The following CENPP variants were observed in gnomAD, a reference collection of about 807,000 sequenced individuals.
CENPP encodes the protein centromere protein P.
A neutral mutation model predicts 35.6 loss-of-function variants in CENPP; 24 were observed. The observed-to-expected ratio is 0.67, with a 90% confidence interval of 0.49 to 0.95. The LOEUF (loss-of-function observed/expected upper bound fraction) is 0.95, where lower values mean the gene tolerates loss of function less well. CENPP is among the 40% of genes least tolerant of loss of function. The pLI, the probability that CENPP is intolerant of heterozygous loss-of-function variation, is 0.00. For synonymous variants in CENPP, 120 were observed against 125.5 expected (o/e 0.96, Z 0.29); for missense variants, 332 against 345.3 (o/e 0.96, Z 0.31).
chr9:92,474,747 CA>C lies in CENPP; in HGVS notation c.564+94889del, dbSNP rs749708861. The C allele has an allele frequency of 4.9e-5, 51 of 1,031,808 alleles. No homozygotes were observed. In the East Asian group the frequency reaches 6.8e-4, roughly 14 times the overall value. The allele number at this position is 1,031,808 out of a possible 1,614,324, so 63.9% of individuals were successfully genotyped here. ...GTTGGAAAAAGAGAGTTGTCCTCAT[CA>C]TCATCATCATCATCATCATCATCAT... is the stretch of plus-strand genomic sequence containing the variant. On this transcript the variant is annotated intron_variant, in intron 5 of 7. Coordinates refer to ENST00000375587, the MANE Select transcript of CENPP (RefSeq NM_001012267.3).
chr9:92,444,112 A>G (rs1486119256), intron 5 of CENPP, among the ~76,000 whole-genome samples: 1 of 152,226 alleles, frequency 6.6e-6, no homozygotes, highest in South Asian at 2.1e-4. Context: ...CAATAAATAA[A>G]TTATAAATTT....
intron 5 of CENPP, among the ~76,000 whole-genome samples, chr9:92,546,834 A>C (rs777274255): frequency 2.0e-5 from 3 of 152,186 alleles, no homozygotes; most frequent in Non-Finnish European, 4.4e-5. Flanking sequence ...GAATCAGAAA[A>C]TCTAAATTGT....
intron 5 of CENPP, among the ~76,000 whole-genome samples, chr9:92,421,481 G>C (rs1843792433): frequency 6.6e-6 from 1 of 152,240 alleles, no homozygotes; most frequent in Non-Finnish European, 1.5e-5. Flanking sequence ...GAAGGAGGTA[G>C]ATTTAAGGAG....
At position 92,552,188 on chromosome 9, in the gene CENPP, T is replaced by TAC. The variant is rs766310025; in HGVS notation, c.565-59125_565-59124insCA. Among the ~76,000 whole-genome samples, 36 of 100,084 alleles carry TAC rather than the reference T, an allele frequency of 3.6e-4. 2 individuals carry two copies. The highest frequency in any genetic ancestry group is 1.5e-3 in the African/African-American group (23 of 15,646). The allele number at this position is 100,084 out of a possible 152,430, so 65.7% of individuals were successfully genotyped here. ...TATATGTGATATGATAGATCTATCA[T>TAC]ATACACACACACACACACACACACA... On this transcript the variant is annotated intron_variant, in intron 5 of 7. Coordinates refer to ENST00000375587, the MANE Select transcript of CENPP (RefSeq NM_001012267.3).
At chr9:92,472,637 G>A (rs903968100) in intron 5 of CENPP, among the ~76,000 whole-genome samples, 1 of 152,076 alleles carries the variant, frequency 6.6e-6, no homozygotes, top group African/African-American at 2.4e-5. Context: ...CAGCCTGGGT[G>A]ACAGAGCAAG....
chr9:92,480,499 C>T (rs1299085052), intron 5 of CENPP, among the ~76,000 whole-genome samples: 1 of 152,204 alleles, frequency 6.6e-6, no homozygotes, highest in Non-Finnish European at 1.5e-5. Context: ...AGACTTTCCT[C>T]TGGAAAAGCC....
At chr9:92,587,487 A>G (rs999841379) in intron 5 of CENPP, among the ~76,000 whole-genome samples, 1 of 151,256 alleles carries the variant, frequency 6.6e-6, no homozygotes. Context: ...AAGGGGGGGG[A>G]CCAATCAAAT....
At chr9:92,569,123 G>A (rs1003447298) in intron 5 of CENPP, among the ~76,000 whole-genome samples, 2 of 152,150 alleles carry the variant, frequency 1.3e-5, no homozygotes, top group Admixed American at 6.6e-5. Flanking sequence ...TGTTGCCATT[G>A]CTTTTGGTGT....
chr9:92,526,729 T>C (rs1276437633), intron 5 of CENPP, among the ~76,000 whole-genome samples: 1 of 151,950 alleles, frequency 6.6e-6, no homozygotes, highest in African/African-American at 2.4e-5. Flanking sequence ...ATAAAAAGTA[T>C]ATAAAGTTAA....
chr9:92,449,670 G>A (rs1265956392), intron 5 of CENPP, among the ~76,000 whole-genome samples: 1 of 151,964 alleles, frequency 6.6e-6, no homozygotes, highest in African/African-American at 2.4e-5. Context: ...TGGATCATGG[G>A]GGCGGATTTT....
chr9:92,378,811 G>A lies in CENPP; in HGVS notation c.468-952G>A, dbSNP rs190721631. 2.2e-3 allele frequency among the ~76,000 whole-genome samples: 340 copies of A among 152,296 alleles called. 1 individual carries two copies. Among genetic ancestry groups the A allele is most frequent in the Non-Finnish European group, 4.1e-3 (279 of 68,020 alleles). On this transcript the variant is annotated intron_variant, in intron 4 of 7. Transcript: ENST00000375587. ...AGGCAAAGGAGTGAGATTATTTCTA[G>A]CTGTTAGGGAATAGGATACGTGGTG...
At chr9:92,455,391 T>G (rs532928873) in intron 5 of CENPP, among the ~76,000 whole-genome samples, 7 of 151,940 alleles carry the variant, frequency 4.6e-5, no homozygotes, top group African/African-American at 1.7e-4. Context: ...CTCTGTCTCT[T>G]AACAAAATAA....
intron 5 of CENPP, among the ~76,000 whole-genome samples, chr9:92,454,893 T>C (rs1410245380): frequency 1.3e-5 from 2 of 152,160 alleles, no homozygotes; most frequent in Non-Finnish European, 2.9e-5. Flanking sequence ...ACTATCATCA[T>C]CCCTCTACTC....
At chr9:92,557,154 C>T (rs1354561062) in intron 5 of CENPP, among the ~76,000 whole-genome samples, 1 of 152,166 alleles carries the variant, frequency 6.6e-6, no homozygotes, top group Non-Finnish European at 1.5e-5. Context: ...GGGTCCCAAT[C>T]CCTTCTAGCT....
At chr9:92,533,321 A>C (rs1563991344) in intron 5 of CENPP, among the ~76,000 whole-genome samples, 2 of 100,766 alleles carry the variant, frequency 2.0e-5, no homozygotes, top group African/African-American at 3.8e-5. Context: ...AAAAAAAAAA[A>C]AAAAAAAATA....
At chr9:92,484,543 G>A (rs1049399185) in intron 5 of CENPP, among the ~76,000 whole-genome samples, 2 of 152,084 alleles carry the variant, frequency 1.3e-5, no homozygotes, top group South Asian at 2.1e-4. Flanking sequence ...TACTATGAAC[G>A]TTCCTCAGTC....
intron 5 of CENPP, among the ~76,000 whole-genome samples, chr9:92,534,808 A>G (rs934910815): frequency 6.6e-6 from 1 of 152,212 alleles, no homozygotes; most frequent in Non-Finnish European, 1.5e-5. Context: ...TGGATATCAT[A>G]AGTGCTCTGC....
chr9:92,362,947 C>G (rs1314409288), intron 4 of CENPP, among the ~76,000 whole-genome samples: 1 of 152,072 alleles, frequency 6.6e-6, no homozygotes, highest in Non-Finnish European at 1.5e-5. Context: ...CGGATTTGAT[C>G]AGAGGGAATC....
chr9:92,366,824 A>C (rs1841899243), intron 4 of CENPP, among the ~76,000 whole-genome samples: 2 of 152,128 alleles, frequency 1.3e-5, no homozygotes, highest in South Asian at 4.1e-4. Flanking sequence ...TTCAGTACTG[A>C]CTTCCCCAAG....
Sources: allele counts gnomAD v4.1 joint callset (sites outside exome capture counted in the v4.1 genomes callset), GRCh38; gene constraint gnomAD v4.1.1; transcripts MANE v1.5; gene names NCBI Gene and HGNC (gene_info 2026-07-23, HGNC 2026-07-21).